NDUFAF6: variants seen among roughly 807,000 people sequenced by gnomAD.
NDUFAF6 encodes NADH dehydrogenase (ubiquinone) complex I, assembly factor 6.
A neutral mutation model predicts 40.8 loss-of-function variants in NDUFAF6; 45 were observed. That is an observed-to-expected ratio of 1.10 (90% CI 0.87 to 1.42). The LOEUF (loss-of-function observed/expected upper bound fraction) is 1.42. Ranked by LOEUF, NDUFAF6 falls within the 40% of genes most tolerant of loss-of-function variation. The pLI, the probability that NDUFAF6 is intolerant of heterozygous loss-of-function variation, is 0.00. For synonymous variants in NDUFAF6, 185 were observed against 155.9 expected (o/e 1.19, Z -1.39); for missense variants, 435 against 418.5 (o/e 1.04, Z -0.34).
chr8:94,932,038 A>G (rs372004389), intron 1 of NDUFAF6: 80 of 1,600,312 alleles, frequency 5.0e-5, no homozygotes, highest in Non-Finnish European at 6.6e-5. Context: ...ATGCATACAT[A>G]TATCACACAG....
At chr8:95,104,970 A>G (rs1809776441), downstream of NDUFAF6, among the ~76,000 whole-genome samples, 2 of 151,676 alleles carry the variant, frequency 1.3e-5, no homozygotes, top group Non-Finnish European at 2.9e-5. Context: ...AATTGGGGCC[A>G]TGGAGGGTAA....
chr8:95,062,918 G>A (rs1015717059), downstream of NDUFAF6, among the ~76,000 whole-genome samples: 4 of 152,226 alleles, frequency 2.6e-5, no homozygotes, highest in Non-Finnish European at 4.4e-5. Flanking sequence ...TCTGTCTGAT[G>A]TGTGAAGTAC....
At chr8:95,063,949 G>A (rs567638460) in intron 9 of NDUFAF6, among the ~76,000 whole-genome samples, 35 of 150,712 alleles carry the variant, frequency 2.3e-4, no homozygotes, top group African/African-American at 8.5e-4. Context: ...TCTGCTCACT[G>A]CAAGCTCTGC....
intron 1 of NDUFAF6, chr8:94,927,261 A>G (rs1450963433): frequency 6.6e-6 from 1 of 152,630 alleles, no homozygotes; most frequent in Non-Finnish European, 1.5e-5. Context: ...GTACATAAAG[A>G]TAATATATAA....
rs200620409 is a variant in NDUFAF6 at position 95,048,454 on chromosome 8, C to A, written c.715-3C>A. The A allele has an allele frequency of 8.5e-4, 1,363 of 1,606,774 alleles. No homozygotes were observed. Among genetic ancestry groups the A allele is most frequent in the Non-Finnish European group, 1.1e-3 (1,305 of 1,173,484 alleles). On this transcript the variant is annotated splice_polypyrimidine_tract_variant and splice_region_variant and intron_variant, in intron 6 of 8. Transcript: ENST00000396124. ...CTAATATAATGTATATTTCCCCACA[C>A]AGCATGGTGTTTCACAAGAGGACTT...
chr8:95,068,058 G>C (rs1432843191), intron 9 of NDUFAF6: 1 of 151,920 alleles, frequency 6.6e-6, no homozygotes, highest in Non-Finnish European at 1.5e-5. Flanking sequence ...CCCTGTCCTA[G>C]TCCTTTGTCT....
rs757024805 is a variant in NDUFAF6 at position 95,057,963 on chromosome 8, T to G, written c.*26T>G. 9.3e-6 allele frequency: 14 copies of G among 1,501,870 alleles called. No individual in the cohort carries two copies. In the Admixed American group the frequency reaches 2.4e-4, roughly 26 times the overall value. 93.0% of individuals were successfully genotyped at this position (1,501,870 alleles called of 1,614,324 possible). The stretch of plus-strand genomic sequence containing the variant: ...AATAATTTCATGGCATTGATGTTAA[T>G]TCTAGTCTATTAGTTTTATAAAAGT... On this transcript the variant is annotated 3_prime_UTR_variant, in exon 9 of 9. Transcript: ENST00000396124.
At chr8:95,088,969 C>G (rs1297568760) in intron 2 of NDUFAF6, among the ~76,000 whole-genome samples, 4 of 151,860 alleles carry the variant, frequency 2.6e-5, no homozygotes, top group Non-Finnish European at 4.4e-5. Context: ...ACCATGTTGG[C>G]CAGGCTGGTC....
Position 95,047,000 on chromosome 8 carries a change from A to G in NDUFAF6, c.587A>G (p.Lys196Arg). 1 of 1,614,136 alleles carries G rather than the reference A, an allele frequency of 6.2e-7. No individual in the cohort carries two copies. Among genetic ancestry groups the G allele is most frequent in the South Asian group, 1.1e-5 (1 of 91,088 alleles). The change falls in exon 6 of 9, where the codon AAG becomes AGG. Residue 196 changes from lysine to arginine, a missense_variant. By Grantham distance (26) the Lys-to-Arg change is conservative. Transcript: ENST00000396124. Reference sequence around the variant, plus strand: ...GTAATTTCTGAAATCATAGGTATAAAGGATCTTCATGCAGATCATGCTGCA... The same window carrying G: ...GTAATTTCTGAAATCATAGGTATAAGGGATCTTCATGCAGATCATGCTGCA... ...LYLTLEILGI[K>R]DLHADHAASH...
At chr8:94,939,894 C>A in intron 1 of NDUFAF6, 1 of 1,613,918 alleles carries the variant, frequency 6.2e-7, no homozygotes, top group Non-Finnish European at 8.5e-7. Flanking sequence ...TCATCAGTCC[C>A]ACGGGTGGCC....
intron 2 of NDUFAF6, among the ~76,000 whole-genome samples, chr8:94,987,345 T>G (rs944958082): frequency 3.9e-5 from 6 of 152,210 alleles, no homozygotes; most frequent in African/African-American, 1.4e-4. Context: ...ATTAGCTGCC[T>G]TGATGTCTTG....
intron 4 of NDUFAF6, among the ~76,000 whole-genome samples, chr8:95,044,888 C>T (rs7003431): frequency 0.018 from 2,682 of 151,970 alleles, 79 homozygotes; most frequent in African/African-American, 0.06. Flanking sequence ...TAAGTGTTCT[C>T]GCTATTAGAT....
chr8:94,947,723 G>C (rs150317230), intron 2 of NDUFAF6, among the ~76,000 whole-genome samples: 1 of 152,332 alleles, frequency 6.6e-6, no homozygotes, highest in African/African-American at 2.4e-5. Flanking sequence ...ACAAGAGTAA[G>C]TGGTAATTCA....
chr8:95,082,631 T>TTTTG (rs573428389), intron 2 of NDUFAF6, among the ~76,000 whole-genome samples: 84 of 135,284 alleles, frequency 6.2e-4, no homozygotes, highest in South Asian at 5.0e-3. Context: ...TTAGCATTCT[T>TTTTG]TTTGTTTGTT....
intron 3 of NDUFAF6, among the ~76,000 whole-genome samples, chr8:95,037,986 C>T (rs1001627840): frequency 1.3e-5 from 2 of 152,132 alleles, no homozygotes; most frequent in Non-Finnish European, 1.5e-5. Context: ...TGGGCTCAGG[C>T]GATCCTCTTG....
upstream of NDUFAF6, among the ~76,000 whole-genome samples, chr8:94,957,103 C>T (rs903230425): frequency 5.3e-5 from 8 of 151,996 alleles, no homozygotes; most frequent in Non-Finnish European, 7.4e-5. Context: ...ACCTGGGAGG[C>T]GGGGGTTGCA....
intron 4 of NDUFAF6, among the ~76,000 whole-genome samples, chr8:95,112,691 C>T (rs1387900630): frequency 6.6e-6 from 1 of 152,200 alleles, no homozygotes; most frequent in African/African-American, 2.4e-5. Context: ...ACAAAAGACA[C>T]CTTGCCATCC....
At chr8:95,046,032 ATTTATTTTATTTTAT>A (rs546325431) in intron 5 of NDUFAF6, among the ~76,000 whole-genome samples, 9 of 147,710 alleles carry the variant, frequency 6.1e-5, no homozygotes, top group African/African-American at 1.3e-4. Context: ...AGTAAAACAC[ATTTATTTTATTTTAT>A]TTTATTTTAT....
intron 2 of NDUFAF6, among the ~76,000 whole-genome samples, chr8:94,952,286 G>A (rs1348920196): frequency 6.6e-6 from 1 of 152,160 alleles, no homozygotes; most frequent in Admixed American, 6.5e-5. Context: ...CAGTTGCATC[G>A]AGGCTGCTAA....
Sources: gnomAD v4.1 joint callset for allele counts (sites outside exome capture counted in the v4.1 genomes callset) on GRCh38, gnomAD v4.1.1 for gene constraint, MANE v1.5 for transcripts, NCBI Gene and HGNC (gene_info 2026-07-23, HGNC 2026-07-21) for gene names.